TNFSF4: variants seen among roughly 807,000 people sequenced by gnomAD.
TNFSF4 encodes tumor necrosis factor ligand superfamily member 4.
A neutral mutation model predicts 7.3 loss-of-function variants in TNFSF4; 4 were observed. The ratio of observed to expected loss-of-function variants is 0.55; its 90% CI spans 0.27 to 1.25. The LOEUF (loss-of-function observed/expected upper bound fraction) is 1.25, where lower values mean the gene tolerates loss of function less well. Among genes scored for constraint, TNFSF4 ranks in the 50% most tolerant of loss-of-function variants. TNFSF4 has a pLI of 0.12. For synonymous variants in TNFSF4, 76 were observed against 83.7 expected, an observed-to-expected ratio of 0.91 and a Z score of 0.50; for missense variants, 181 against 208.8, an observed-to-expected ratio of 0.87 and a Z score of 0.82.
the TNFSF4 span, among the ~76,000 whole-genome samples, chr1:173,281,593 A>G: frequency 3.9e-5 from 6 of 152,194 alleles, no homozygotes; most frequent in African/African-American, 1.4e-4. Flanking sequence ...AAATATGCTT[A>G]CATAAGAAAG....
the TNFSF4 span, among the ~76,000 whole-genome samples, chr1:173,422,057 T>C: frequency 6.6e-6 from 1 of 151,680 alleles, no homozygotes; most frequent in Non-Finnish European, 1.5e-5. Flanking sequence ...AGAACACCTC[T>C]CCCCCACAAT....
At chr1:173,195,678 C>T (rs1649668165) in intron 1 of TNFSF4, among the ~76,000 whole-genome samples, 1 of 152,216 alleles carries the variant, frequency 6.6e-6, no homozygotes, top group Non-Finnish European at 1.5e-5. Flanking sequence ...ACCCATTTGA[C>T]ATTTGTCCTG....
chr1:173,425,279 A>T, the TNFSF4 span, among the ~76,000 whole-genome samples: 1 of 152,220 alleles, frequency 6.6e-6, no homozygotes, highest in Non-Finnish European at 1.5e-5. Context: ...AGAGTGCTCC[A>T]TAAGAATAGC....
chr1:173,254,229 A>G, the TNFSF4 span, among the ~76,000 whole-genome samples: 1 of 152,192 alleles, frequency 6.6e-6, no homozygotes, highest in African/African-American at 2.4e-5. Flanking sequence ...TATAAATCTA[A>G]CTTGTTTTTA....
the TNFSF4 span, among the ~76,000 whole-genome samples, chr1:173,334,569 A>G: frequency 6.6e-6 from 1 of 152,192 alleles, no homozygotes; most frequent in Non-Finnish European, 1.5e-5. Flanking sequence ...TTACAACACA[A>G]GTTGAACTTT....
chr1:173,266,332 T>TAC, the TNFSF4 span, among the ~76,000 whole-genome samples: 29 of 152,078 alleles, frequency 1.9e-4, no homozygotes, highest in Non-Finnish European at 4.0e-4. Context: ...TATATATATA[T>TAC]ACTACACCAC....
chr1:173,307,394 C>A, the TNFSF4 span, among the ~76,000 whole-genome samples: 1 of 151,810 alleles, frequency 6.6e-6, no homozygotes, highest in African/African-American at 2.4e-5. Flanking sequence ...AGCTTATATT[C>A]TTCAAATGTG....
chr1:173,415,847 TTGTC>T, the TNFSF4 span, among the ~76,000 whole-genome samples: 4 of 152,220 alleles, frequency 2.6e-5, no homozygotes, highest in East Asian at 1.9e-4. Context: ...CTGTTTTTGT[TTGTC>T]TGTTTTGTTC....
chr1:173,255,052 G>T, the TNFSF4 span, among the ~76,000 whole-genome samples: 38 of 152,150 alleles, frequency 2.5e-4, no homozygotes, highest in African/African-American at 9.2e-4. Flanking sequence ...GCTGGGGAAA[G>T]GGGGTAAAAC....
the TNFSF4 span, among the ~76,000 whole-genome samples, chr1:173,355,065 G>T: frequency 6.6e-6 from 1 of 152,186 alleles, no homozygotes; most frequent in Non-Finnish European, 1.5e-5. Flanking sequence ...TCTGTTCCCA[G>T]TCTTTTCCAG....
rs918407275 is a variant in TNFSF4 at position 173,186,017 on chromosome 1, T to C, written c.*499A>G. 1 of 153,490 alleles carries C rather than the reference T, an allele frequency of 6.5e-6. No homozygotes were observed. The highest frequency in any genetic ancestry group is 1.5e-5 in the Non-Finnish European group (1 of 68,946). 9.5% of individuals were successfully genotyped at this position (153,490 alleles called of 1,614,324 possible). ...TATGCAAACTGCAATCAATTTAACC[T>C]TGGAGAGGCCGCTTTGGCTTCCAGG... On this transcript the variant is annotated 3_prime_UTR_variant, in exon 3 of 3. Transcript: ENST00000281834.
the TNFSF4 span, among the ~76,000 whole-genome samples, chr1:173,402,362 C>A: frequency 6.6e-6 from 1 of 152,238 alleles, no homozygotes; most frequent in Non-Finnish European, 1.5e-5. Flanking sequence ...CCTTCACAAA[C>A]CACAGTAGAG....
the TNFSF4 span, among the ~76,000 whole-genome samples, chr1:173,274,597 A>T: frequency 6.6e-6 from 1 of 152,080 alleles, no homozygotes; most frequent in Admixed American, 6.6e-5. Flanking sequence ...TTACCTTACT[A>T]TAGGGACATT....
At chr1:173,198,157 T>C (rs1269155280) in intron 1 of TNFSF4, among the ~76,000 whole-genome samples, 2 of 152,216 alleles carry the variant, frequency 1.3e-5, no homozygotes, top group African/African-American at 4.8e-5. Flanking sequence ...GGAGGGAATA[T>C]AGTCTTGAGA....
At chr1:173,208,469 T>C (rs1404973881), upstream of TNFSF4, among the ~76,000 whole-genome samples, 2 of 152,192 alleles carry the variant, frequency 1.3e-5, no homozygotes, top group Non-Finnish European at 2.9e-5. Flanking sequence ...AAGAGAAAGT[T>C]TGTGGGAAAT....
At chr1:173,329,224 G>A in the TNFSF4 span, among the ~76,000 whole-genome samples, 4 of 152,126 alleles carry the variant, frequency 2.6e-5, no homozygotes, top group Non-Finnish European at 4.4e-5. Flanking sequence ...ATTCACACAT[G>A]CTCAAGTCCT....
At chr1:173,395,357 A>C in the TNFSF4 span, among the ~76,000 whole-genome samples, 1 of 129,670 alleles carries the variant, frequency 7.7e-6, no homozygotes, top group Non-Finnish European at 1.6e-5. Context: ...GCATCAAAAA[A>C]ATGTGGTGAC....
intron 1 of TNFSF4, chr1:173,205,630 G>A (rs1357915146): frequency 1.9e-6 from 2 of 1,063,606 alleles, no homozygotes; most frequent in African/African-American, 3.3e-5. Flanking sequence ...CTCCCAGACT[G>A]GTGAATGCAC....
At chr1:173,445,853 A>G in the TNFSF4 span, among the ~76,000 whole-genome samples, 37,409 of 152,114 alleles carry the variant, frequency 0.25, 5,527 homozygotes, top group Non-Finnish European at 0.32. Flanking sequence ...TGAGCTGTGC[A>G]TGCATGGAAC....
Sources: gnomAD v4.1 joint callset for allele counts (sites outside exome capture counted in the v4.1 genomes callset) on GRCh38, gnomAD v4.1.1 for gene constraint, MANE v1.5 for transcripts, NCBI Gene and HGNC (gene_info 2026-07-23, HGNC 2026-07-21) for gene names.